The following PDE3A variants were observed in gnomAD, a reference collection of about 807,000 sequenced individuals.
PDE3A encodes the protein phosphodiesterase 3A.
In PDE3A, 43 loss-of-function variants were observed where a neutral mutation model predicts 98.3. The observed-to-expected ratio is 0.44, with a 90% CI of 0.34 to 0.56. The LOEUF is 0.56. Ranked by LOEUF, PDE3A falls within the 20% of genes least tolerant of loss-of-function variation. The probability of loss-of-function intolerance (pLI) is 0.01; values close to 1 mark genes in which losing one functional copy is unlikely to be tolerated. For synonymous variants in PDE3A, 663 were observed against 567.9 expected, an observed-to-expected ratio of 1.17 and a Z score of -2.38; for missense variants, 1,427 against 1,440.7, an observed-to-expected ratio of 0.99 and a Z score of 0.15.
rs1375529792 is a variant in PDE3A at position 20,552,922 on chromosome 12, G to T, written c.961-3738G>T. On this transcript the variant is annotated intron_variant, in intron 1 of 15. Coordinates refer to ENST00000359062, the MANE Select transcript of PDE3A (RefSeq NM_000921.5). The surrounding 1 kb of genome is among the most constrained non-coding windows in gnomAD (Gnocchi z 5.1). Reference sequence around the variant, plus strand: ...GTTCAGCTGCCCTGCCTGCCGCTACGACCTGGGCCGCAGCTATGCCATGCA... The same window carrying T: ...GTTCAGCTGCCCTGCCTGCCGCTACTACCTGGGCCGCAGCTATGCCATGCA... The T allele has an allele frequency of 2.5e-6, 4 of 1,582,106 alleles. No homozygotes were observed. The highest frequency in any genetic ancestry group is 2.6e-6 in the Non-Finnish European group (3 of 1,164,526).
intron 2 of PDE3A, among the ~76,000 whole-genome samples, chr12:20,577,423 G>A (rs980159954): frequency 6.6e-6 from 1 of 152,112 alleles, no homozygotes; most frequent in Non-Finnish European, 1.5e-5. Context: ...AGTAAAGAAG[G>A]TTTGCTACAT....
At chr12:20,402,933 A>G (rs1039742163) in intron 1 of PDE3A, among the ~76,000 whole-genome samples, 1 of 152,170 alleles carries the variant, frequency 6.6e-6, no homozygotes, top group Non-Finnish European at 1.5e-5. Flanking sequence ...TAGGAAACAG[A>G]AAAGTCTTGT....
At chr12:20,416,922 C>T (rs1473965469) in intron 1 of PDE3A, among the ~76,000 whole-genome samples, 2 of 152,048 alleles carry the variant, frequency 1.3e-5, no homozygotes, top group African/African-American at 4.8e-5. Flanking sequence ...ATTCAAAGTA[C>T]ATAAGGTGAG....
chr12:20,473,746 C>T (rs11613044), intron 1 of PDE3A, among the ~76,000 whole-genome samples: 1 of 151,738 alleles, frequency 6.6e-6, no homozygotes, highest in Non-Finnish European at 1.5e-5. Flanking sequence ...TACTGTGTTT[C>T]TTCTTTGACT....
Position 20,648,916 on chromosome 12 carries a change from C to CTTTTTT in PDE3A, c.2769+29_2769+30insTTTTTT, listed in dbSNP as rs761479212. The CTTTTTT allele has an allele frequency of 6.9e-5, 53 of 773,526 alleles. 6 individuals carry two copies. Among genetic ancestry groups the CTTTTTT allele is most frequent in the Admixed American group, 1.1e-4 (3 of 27,578 alleles). The allele number at this position is 773,526 out of a possible 1,614,324, so 47.9% of individuals were successfully genotyped here. A position where few individuals can be genotyped will look rare whatever the true frequency, so the allele number is the denominator to read the frequency against. On this transcript the variant is annotated intron_variant, in intron 13 of 15. Transcript: ENST00000359062. Reference sequence around the variant, plus strand: ...GGTAAATAGAGCTGTACCCAGTTTTCTTTTCTTTTTCTTTTTTTTTTTTTT... The same window carrying CTTTTTT: ...GGTAAATAGAGCTGTACCCAGTTTTCTTTTTTTTTTCTTTTTCTTTTTTTTTTTTTT...
At chr12:20,371,869 C>G (rs970335728) in intron 1 of PDE3A, among the ~76,000 whole-genome samples, 1 of 152,030 alleles carries the variant, frequency 6.6e-6, no homozygotes, top group Non-Finnish European at 1.5e-5. Flanking sequence ...AATGAAAACA[C>G]CACCGCTTTA....
At chr12:20,402,831 A>G (rs1944158061) in intron 1 of PDE3A, among the ~76,000 whole-genome samples, 1 of 152,188 alleles carries the variant, frequency 6.6e-6, no homozygotes, top group South Asian at 2.1e-4. Flanking sequence ...GCACAGGATT[A>G]TGTTGCTATA....
chr12:20,498,074 T>A (rs894812030), intron 1 of PDE3A, among the ~76,000 whole-genome samples: 5 of 152,208 alleles, frequency 3.3e-5, no homozygotes, highest in African/African-American at 1.2e-4. Context: ...GGAGTACTGG[T>A]TAGAAAAATT....
intron 15 of PDE3A, among the ~76,000 whole-genome samples, chr12:20,670,069 T>C (rs1945430214): frequency 2.0e-5 from 3 of 149,612 alleles, no homozygotes; most frequent in South Asian, 4.3e-4. Context: ...TAAAACAGAC[T>C]TTAAACCAAC....
chr12:20,429,250 T>C (rs1006969634), intron 1 of PDE3A, among the ~76,000 whole-genome samples: 15 of 152,174 alleles, frequency 9.9e-5, no homozygotes, highest in Admixed American at 9.8e-4. Context: ...ACATCTACAA[T>C]TAAGCCCATA....
chr12:20,583,875 T>A (rs1943130741), intron 2 of PDE3A, among the ~76,000 whole-genome samples: 2 of 152,230 alleles, frequency 1.3e-5, no homozygotes, highest in African/African-American at 2.4e-5. Flanking sequence ...ATGTGTTAAT[T>A]CTATTATAGA....
At chr12:20,442,477 C>T (rs1944885564) in intron 1 of PDE3A, among the ~76,000 whole-genome samples, 1 of 152,186 alleles carries the variant, frequency 6.6e-6, no homozygotes, top group Non-Finnish European at 1.5e-5. Flanking sequence ...TGGTTCTCAG[C>T]ACTTCTGGCT....
chr12:20,620,190 T>C (rs1372535810), intron 4 of PDE3A, among the ~76,000 whole-genome samples: 1 of 152,024 alleles, frequency 6.6e-6, no homozygotes, highest in Non-Finnish European at 1.5e-5. Context: ...TCTCCATGCA[T>C]CCATGAGCCC....
At chr12:20,490,375 G>C (rs935992871) in intron 1 of PDE3A, among the ~76,000 whole-genome samples, 3 of 152,144 alleles carry the variant, frequency 2.0e-5, no homozygotes, top group African/African-American at 7.2e-5. Context: ...CTAGTGATGA[G>C]GCAAAATTGT....
intron 2 of PDE3A, among the ~76,000 whole-genome samples, chr12:20,577,104 A>T (rs760994255): frequency 7.2e-5 from 11 of 152,104 alleles, no homozygotes; most frequent in Non-Finnish European, 1.6e-4. Flanking sequence ...TGGAATAAAG[A>T]CTACTCAGAT....
chr12:20,668,219 T>C (rs1439656407), intron 15 of PDE3A, among the ~76,000 whole-genome samples: 1 of 152,202 alleles, frequency 6.6e-6, no homozygotes, highest in African/African-American at 2.4e-5. Flanking sequence ...GTCTCGCTGA[T>C]TGCTAGCACA....
chr12:20,636,285 G>T (rs925331040), intron 8 of PDE3A, among the ~76,000 whole-genome samples: 1 of 152,156 alleles, frequency 6.6e-6, no homozygotes, highest in Non-Finnish European at 1.5e-5. Context: ...GTGGCAAGTG[G>T]TAGAAAACTG....
intron 1 of PDE3A, among the ~76,000 whole-genome samples, chr12:20,506,977 G>A (rs1946129879): frequency 1.3e-5 from 2 of 151,862 alleles, no homozygotes; most frequent in Admixed American, 1.3e-4. Flanking sequence ...TAAAGATTTT[G>A]GTTGGAATTT....
rs1945844421 is a variant in PDE3A at position 20,683,236 on chromosome 12, TC to T, written c.*2970del. 2 of 152,158 alleles carry T rather than the reference TC, an allele frequency of 1.3e-5. No individual in the cohort carries two copies. The highest frequency in any genetic ancestry group is 3.9e-4 in the East Asian group (2 of 5,194). The allele number at this position is 152,158 out of a possible 1,614,324, so 9.4% of individuals were successfully genotyped here. On this transcript the variant is annotated 3_prime_UTR_variant, in exon 16 of 16. Coordinates refer to ENST00000359062, the MANE Select transcript of PDE3A (RefSeq NM_000921.5). Reference sequence around the variant, plus strand: ...GGGACATTTTCTGCCAGTAGAGTTCTCCCCCTTTTTGGTGACAGCAATATTA... The same window carrying T: ...GGGACATTTTCTGCCAGTAGAGTTCTCCCCTTTTTGGTGACAGCAATATTA...
Sources: allele counts gnomAD v4.1 joint callset (sites outside exome capture counted in the v4.1 genomes callset), GRCh38; gene constraint gnomAD v4.1.1; non-coding constraint Gnocchi (gnomAD v3.1); transcripts MANE v1.5; gene names NCBI Gene and HGNC (gene_info 2026-07-23, HGNC 2026-07-21).